The following HLF variants were observed in gnomAD, a reference collection of about 807,000 sequenced individuals.
HLF encodes hepatic leukemia factor.
Under a neutral mutation model 22.6 loss-of-function variants are expected in HLF, and 3 were observed. That is an observed-to-expected ratio of 0.13 (90% confidence interval 0.06 to 0.34). The LOEUF (loss-of-function observed/expected upper bound fraction) is 0.34. Ranked by LOEUF, HLF falls within the 10% of genes least tolerant of loss-of-function variation. The probability of loss-of-function intolerance (pLI) is 1.00; values close to 1 mark genes in which losing one functional copy is unlikely to be tolerated. For synonymous variants in HLF, 151 were observed against 151.8 expected, an observed-to-expected ratio of 0.99 and a Z score of 0.04; for missense variants, 299 against 389.2, an observed-to-expected ratio of 0.77 and a Z score of 1.95.
At chr17:55,280,819 C>T (rs2080947580) in intron 2 of HLF, among the ~76,000 whole-genome samples, 1 of 152,116 alleles carries the variant, frequency 6.6e-6, no homozygotes, top group Admixed American at 6.5e-5. Context: ...GAGAGGGGTC[C>T]AGATAGGAAA....
In HLF at chr17:55,315,260, G is replaced by A; in HGVS notation, c.485G>A (p.Ser162Asn). The A allele has an allele frequency of 1.2e-6, 2 of 1,614,196 alleles. No individual in the cohort carries two copies. The highest frequency in any genetic ancestry group is 1.7e-6 in the Non-Finnish European group (2 of 1,180,012). The change falls in exon 3 of 4, where the codon AGT becomes AAT. Residue 162 changes from serine (S) to asparagine (N), a missense_variant. Ser to Asn is a conservative substitution (Grantham distance 46). Coordinates refer to ENST00000226067, the MANE Select transcript of HLF (RefSeq NM_002126.5). Reference sequence around the variant, plus strand: ...TTGCCAGCAAACCGCAATACACCAAGTCCCATTGATCCTGACACCATCCAG... The same window carrying A: ...TTGCCAGCAAACCGCAATACACCAAATCCCATTGATCCTGACACCATCCAG... ...QLLPANRNTP[S>N]PIDPDTIQVP...
intron 2 of HLF, among the ~76,000 whole-genome samples, chr17:55,281,092 A>G (rs1298838488): frequency 6.6e-6 from 1 of 152,174 alleles, no homozygotes; most frequent in Non-Finnish European, 1.5e-5. Context: ...TAAGGCTTTT[A>G]AAGGTACAGC....
intron 2 of HLF, among the ~76,000 whole-genome samples, chr17:55,294,741 G>T (rs1467826092): frequency 6.6e-6 from 1 of 152,192 alleles, no homozygotes; most frequent in African/African-American, 2.4e-5. Context: ...TATGGAGAAG[G>T]CTCCCTTTCC....
intron 2 of HLF, chr17:55,273,151 G>T (rs977649728): frequency 1.3e-5 from 2 of 152,210 alleles, no homozygotes; most frequent in Non-Finnish European, 2.9e-5. Context: ...GGGCTCAGGG[G>T]CTTGGGTTTA....
In HLF at chr17:55,277,235, A is replaced by ATG. The variant is rs1567813072; in HGVS notation, c.451+9153_451+9154dup. On this transcript the variant is annotated intron_variant, in intron 2 of 3. Transcript: ENST00000226067. The stretch of plus-strand genomic sequence containing the variant: ...AAATAAGTATATTGAACCAGATGTT[A>ATG]TGTGTATGTGTGTGTGTGTGTGTGT... Among the ~76,000 whole-genome samples, 121 of 19,090 alleles carry ATG rather than the reference A, an allele frequency of 6.3e-3. 1 individual carries two copies. Among genetic ancestry groups the ATG allele is most frequent in the Non-Finnish European group, 0.011 (74 of 6,594 alleles). 12.5% of individuals were successfully genotyped at this position (19,090 alleles called of 152,430 possible). A position where few individuals can be genotyped will look rare whatever the true frequency, so the allele number is the denominator to read the frequency against.
chr17:55,286,773 T>C (rs1171743520), intron 2 of HLF, among the ~76,000 whole-genome samples: 1 of 152,198 alleles, frequency 6.6e-6, no homozygotes, highest in Non-Finnish European at 1.5e-5. Context: ...GAATGTTACT[T>C]TTGCCATCAG....
intron 2 of HLF, among the ~76,000 whole-genome samples, chr17:55,279,190 A>G (rs561820970): frequency 1.3e-5 from 2 of 152,338 alleles, no homozygotes; most frequent in African/African-American, 2.4e-5. Context: ...TTTTAACATT[A>G]TAAGTGAAAT....
At position 55,320,973 on chromosome 17, in the gene HLF, C is replaced by T; in HGVS notation, c.*94C>T. On this transcript the variant is annotated 3_prime_UTR_variant, in exon 4 of 4. Coordinates refer to ENST00000226067, the MANE Select transcript of HLF (RefSeq NM_002126.5). This position sits in a 1 kb window ranked among gnomAD's most constrained non-coding sequence, Gnocchi z 4.2. Reference sequence around the variant, plus strand: ...CAAACCAACCTTTCTGACATCAGCACTTTACCAGAGGCATAAACACAACTG... The same window carrying T: ...CAAACCAACCTTTCTGACATCAGCATTTTACCAGAGGCATAAACACAACTG... 1.0e-6 allele frequency: 1 copy of T among 959,404 alleles called. No individual in the cohort carries two copies. Among genetic ancestry groups the T allele is most frequent in the Non-Finnish European group, 1.6e-6 (1 of 629,742 alleles). The allele number at this position is 959,404 out of a possible 1,614,324, so 59.4% of individuals were successfully genotyped here. A position where few individuals can be genotyped will look rare whatever the true frequency, so the allele number is the denominator to read the frequency against.
chr17:55,267,535 T>G, intron 1 of HLF: 1 of 512,338 alleles, frequency 2.0e-6, no homozygotes, highest in Non-Finnish European at 3.4e-6. Context: ...GACTAGTGCC[T>G]TCTTTCCAAA....
intron 2 of HLF, chr17:55,288,869 C>T: frequency 2.0e-6 from 2 of 978,452 alleles, no homozygotes; most frequent in Non-Finnish European, 2.4e-6. Context: ...ATTTTCCACC[C>T]TTTAATCACA....
intron 2 of HLF, among the ~76,000 whole-genome samples, chr17:55,282,765 G>T (rs1468244191): frequency 6.6e-6 from 1 of 152,136 alleles, no homozygotes; most frequent in Non-Finnish European, 1.5e-5. Flanking sequence ...TCACATTTTG[G>T]TGAATGTCTA....
chr17:55,307,183 T>C (rs1214516818), intron 2 of HLF, among the ~76,000 whole-genome samples: 1 of 136,814 alleles, frequency 7.3e-6, no homozygotes, highest in East Asian at 2.4e-4. Context: ...AGACGGAGTC[T>C]GGTTCTGTCA....
At chr17:55,287,414 C>A (rs909310882) in intron 2 of HLF, among the ~76,000 whole-genome samples, 1 of 151,926 alleles carries the variant, frequency 6.6e-6, no homozygotes, top group African/African-American at 2.4e-5. Flanking sequence ...CTTTGGTATA[C>A]TAGCCATGGT....
chr17:55,265,320 G>T lies in HLF; in HGVS notation c.-165G>T, dbSNP rs1247060006. ...TTTTTTTAATATATATTTTTATGCA[G>T]ATGTATTTATAAAGATATAAGTAAT... On this transcript the variant is annotated 5_prime_UTR_variant, in exon 1 of 4. Coordinates refer to ENST00000226067, the MANE Select transcript of HLF (RefSeq NM_002126.5). 1 of 564,278 alleles carries T rather than the reference G, an allele frequency of 1.8e-6. No homozygotes were observed. Among genetic ancestry groups the T allele is most frequent in the Non-Finnish European group, 3.1e-6 (1 of 322,054 alleles). 35.0% of individuals were successfully genotyped at this position (564,278 alleles called of 1,614,324 possible).
At chr17:55,313,539 G>A (rs957034816) in intron 2 of HLF, among the ~76,000 whole-genome samples, 1 of 152,136 alleles carries the variant, frequency 6.6e-6, no homozygotes, top group Non-Finnish European at 1.5e-5. Flanking sequence ...ACATGCCTGT[G>A]TAAGAATGGG....
chr17:55,286,493 G>T (rs1363082068), intron 2 of HLF, among the ~76,000 whole-genome samples: 1 of 152,108 alleles, frequency 6.6e-6, no homozygotes, highest in African/African-American at 2.4e-5. Context: ...CTCCTCTATT[G>T]TCTGTTCTTG....
At chr17:55,309,598 A>G (rs1904737277) in intron 2 of HLF, among the ~76,000 whole-genome samples, 1 of 152,240 alleles carries the variant, frequency 6.6e-6, no homozygotes, top group South Asian at 2.1e-4. Flanking sequence ...AAGATTCGGC[A>G]CCAAACTTTG....
At chr17:55,295,357 T>A (rs1294403104) in intron 2 of HLF, among the ~76,000 whole-genome samples, 1 of 152,196 alleles carries the variant, frequency 6.6e-6, no homozygotes, top group Non-Finnish European at 1.5e-5. Context: ...CAGGAAATGA[T>A]CAGGTCAGAA....
At chr17:55,295,632 C>G (rs1017535869) in intron 2 of HLF, among the ~76,000 whole-genome samples, 1 of 152,258 alleles carries the variant, frequency 6.6e-6, no homozygotes, top group Non-Finnish European at 1.5e-5. Context: ...AACACACCCA[C>G]TTCCAGAACA....
Sources: gnomAD v4.1 joint callset for allele counts (sites outside exome capture counted in the v4.1 genomes callset) on GRCh38, gnomAD v4.1.1 for gene constraint, Gnocchi (gnomAD v3.1) non-coding constraint, MANE v1.5 for transcripts, NCBI Gene and HGNC (gene_info 2026-07-23, HGNC 2026-07-21) for gene names.